AGBL4: variants seen among roughly 807,000 people sequenced by gnomAD.
AGBL4 encodes AGBL carboxypeptidase 4.
A neutral mutation model predicts 66.4 loss-of-function variants in AGBL4; 58 were observed. The ratio of observed to expected loss-of-function variants is 0.87; its 90% confidence interval spans 0.71 to 1.09. The LOEUF is 1.09. AGBL4 is among the 50% of genes least tolerant of loss of function. AGBL4 has a pLI of 0.00. For synonymous variants in AGBL4, 234 were observed against 222.9 expected (o/e 1.05, Z -0.44); for missense variants, 579 against 631.0 (o/e 0.92, Z 0.88).
intron 2 of AGBL4, among the ~76,000 whole-genome samples, chr1:49,720,994 T>C (rs1320429124): frequency 2.0e-5 from 3 of 151,914 alleles, no homozygotes; most frequent in Non-Finnish European, 4.4e-5. Flanking sequence ...CTGGGTAAAG[T>C]GGGGACTTGG....
chr1:49,893,042 T>C (rs1387141014), intron 1 of AGBL4, among the ~76,000 whole-genome samples: 1 of 152,170 alleles, frequency 6.6e-6, no homozygotes, highest in Non-Finnish European at 1.5e-5. Flanking sequence ...ATTAGAGGCA[T>C]GCCAGGGTTG....
At chr1:49,938,392 T>C (rs899738371) in intron 1 of AGBL4, among the ~76,000 whole-genome samples, 1 of 152,142 alleles carries the variant, frequency 6.6e-6, no homozygotes, top group Non-Finnish European at 1.5e-5. Flanking sequence ...ACCAGATGGA[T>C]TCACAGCCGA....
chr1:48,972,538 T>C (rs563267384), intron 5 of AGBL4, among the ~76,000 whole-genome samples: 1 of 152,202 alleles, frequency 6.6e-6, no homozygotes, highest in Non-Finnish European at 1.5e-5. Flanking sequence ...TCCCATTTTA[T>C]AGGTGAAGAA....
chr1:49,939,198 A>G (rs1234184351), intron 1 of AGBL4, among the ~76,000 whole-genome samples: 2 of 151,760 alleles, frequency 1.3e-5, no homozygotes, highest in Non-Finnish European at 2.9e-5. Context: ...CAATGAAATA[A>G]AAGAGGATAC....
intron 3 of AGBL4, among the ~76,000 whole-genome samples, chr1:49,452,993 AAT>A (rs1646312196): frequency 6.6e-6 from 1 of 151,884 alleles, no homozygotes; most frequent in African/African-American, 2.4e-5. Flanking sequence ...ATGCCAGAAA[AAT>A]ATAGTTTAAA....
At chr1:48,849,448 TC>T (rs1646984993) in intron 6 of AGBL4, among the ~76,000 whole-genome samples, 1 of 152,254 alleles carries the variant, frequency 6.6e-6, no homozygotes, top group East Asian at 1.9e-4. Context: ...TATTAAAGTT[TC>T]TAAATGCTTT....
intron 2 of AGBL4, among the ~76,000 whole-genome samples, chr1:49,702,570 C>T (rs1647119792): frequency 6.6e-6 from 1 of 152,052 alleles, no homozygotes; most frequent in Non-Finnish European, 1.5e-5. Flanking sequence ...CTTTCAAACT[C>T]ATTCTATGAA....
rs535660882 is a variant in AGBL4, at chr1:48,675,165, G to A, written c.635-11924C>T. ...AACAGACCCCCCCGCCACACCCATC[G>A]CATGTTGGATCTTCAGTGTCCTTCA... On this transcript the variant is annotated intron_variant, in intron 6 of 13. Coordinates refer to ENST00000371839, the MANE Select transcript of AGBL4 (RefSeq NM_032785.4). 2.5e-3 allele frequency among the ~76,000 whole-genome samples: 376 copies of A among 152,196 alleles called. 1 individual carries two copies. The highest frequency in any genetic ancestry group is 8.9e-3 in the African/African-American group (370 of 41,528).
At chr1:49,636,982 G>C (rs1043589499) in intron 3 of AGBL4, among the ~76,000 whole-genome samples, 1 of 152,200 alleles carries the variant, frequency 6.6e-6, no homozygotes, top group African/African-American at 2.4e-5. Context: ...CATTTAACCA[G>C]CTGCCAGTGC....
chr1:49,196,129 C>G (rs1447211006), intron 4 of AGBL4, among the ~76,000 whole-genome samples: 1 of 152,180 alleles, frequency 6.6e-6, no homozygotes, highest in African/African-American at 2.4e-5. Flanking sequence ...TACCCAATCT[C>G]AAGTACTTCT....
In AGBL4 at chr1:49,885,692, G is replaced by A. The variant is rs375411766; in HGVS notation, c.35-34174C>T. Among the ~76,000 whole-genome samples the A allele has an allele frequency of 3.9e-5, 6 of 151,986 alleles. No individual in the cohort carries two copies. The South Asian group carries it at 1.0e-3, about 26-fold the overall frequency. ...GCCCAGAACTAAGGAGAACATATAA[G>A]ACACATAAGCTATATATCAAACTAT... On this transcript the variant is annotated intron_variant, in intron 1 of 13. Transcript: ENST00000371839.
chr1:49,723,586 C>G (rs1346201000), intron 2 of AGBL4, among the ~76,000 whole-genome samples: 1 of 152,074 alleles, frequency 6.6e-6, no homozygotes, highest in Non-Finnish European at 1.5e-5. Flanking sequence ...GTTATGAGCC[C>G]TCTCACAAGC....
chr1:49,972,936 A>G (rs1658256874), intron 1 of AGBL4, among the ~76,000 whole-genome samples: 1 of 152,194 alleles, frequency 6.6e-6, no homozygotes, highest in Admixed American at 6.5e-5. Context: ...ATAACTCTAT[A>G]AAGTAAGTAA....
intron 6 of AGBL4, among the ~76,000 whole-genome samples, chr1:48,699,959 G>C (rs1186412386): frequency 2.6e-5 from 4 of 151,268 alleles, no homozygotes; most frequent in African/African-American, 9.7e-5. Flanking sequence ...TATATTTAGA[G>C]ACAGAGTCTC....
At chr1:48,828,458 C>T (rs1483009018) in intron 6 of AGBL4, among the ~76,000 whole-genome samples, 1 of 152,182 alleles carries the variant, frequency 6.6e-6, no homozygotes, top group African/African-American at 2.4e-5. Context: ...GTGAGAGTAT[C>T]TTCCTATTGT....
At chr1:49,674,559 A>T (rs1646543430) in intron 3 of AGBL4, among the ~76,000 whole-genome samples, 2 of 132,046 alleles carry the variant, frequency 1.5e-5, no homozygotes, top group Non-Finnish European at 1.6e-5. Context: ...AAGAATATAT[A>T]TAAGAATAAA....
At position 48,541,415 on chromosome 1, in the gene AGBL4, C is replaced by T. The variant is rs538171078; in HGVS notation, c.1268-1677G>A. ...AGGCAGAGGTCATATCTGTCTTATT[C>T]ATCACCTAAATACCCACACACTCAT... On this transcript the variant is annotated intron_variant, in intron 11 of 13. Coordinates refer to ENST00000371839, the MANE Select transcript of AGBL4 (RefSeq NM_032785.4). Among the ~76,000 whole-genome samples the T allele has an allele frequency of 2.0e-5, 3 of 152,330 alleles. No homozygotes were observed. The South Asian group carries it at 6.2e-4, about 32-fold the overall frequency.
chr1:49,187,805 C>T (rs142426199), intron 4 of AGBL4, among the ~76,000 whole-genome samples: 23 of 152,186 alleles, frequency 1.5e-4, no homozygotes, highest in Middle Eastern at 3.4e-3. Context: ...TCACATTGTG[C>T]GGAATATTCT....
At chr1:50,023,591 C>T (rs187671856) in intron 1 of AGBL4, among the ~76,000 whole-genome samples, 172 bp downstream of exon 1, 1 of 152,328 alleles carries the variant, frequency 6.6e-6, no homozygotes, top group African/African-American at 2.4e-5. Context: ...CCCTGCCCGC[C>T]ATTCAGAGGG....
Sources: allele counts gnomAD v4.1 joint callset (sites outside exome capture counted in the v4.1 genomes callset), GRCh38; gene constraint gnomAD v4.1.1; transcripts MANE v1.5; gene names NCBI Gene and HGNC (gene_info 2026-07-23, HGNC 2026-07-21).